Variants in KIAA0319L observed in about 807,000 individuals in gnomAD.
KIAA0319L encodes the protein KIAA0319 like.
In KIAA0319L, 55 loss-of-function variants were observed where a neutral mutation model predicts 120.1. That is an observed-to-expected ratio of 0.46 (90% CI 0.37 to 0.57). KIAA0319L has a LOEUF of 0.57. Among genes scored for constraint, KIAA0319L ranks in the 20% least tolerant of loss-of-function variants. KIAA0319L has a pLI of 0.00. For missense variants in KIAA0319L, 1,049 were observed against 1,255.3 expected (o/e 0.84, Z 2.48); for synonymous variants, 398 against 471.9 (o/e 0.84, Z 2.03).
At chr1:35,495,569 C>G (rs1032530488) in intron 3 of KIAA0319L, among the ~76,000 whole-genome samples, 6 of 151,996 alleles carry the variant, frequency 3.9e-5, no homozygotes, top group Admixed American at 3.9e-4. Flanking sequence ...TTGCAAATCA[C>G]GTATCTGAGA....
rs191318858 is a variant in KIAA0319L, at chr1:35,543,514, G to C, written c.142+10836C>G. ...GCCACCTAAAAAGTCTCCTGAAAAT[G>C]CTTTTCCCCTGAAGATTAAGACCAA... On this transcript the variant is annotated intron_variant, in intron 2 of 20. Transcript: ENST00000325722. 1.1e-4 allele frequency among the ~76,000 whole-genome samples: 17 copies of C among 152,250 alleles called. No individual in the cohort carries two copies. The East Asian group carries it at 3.3e-3, about 29-fold the overall frequency.
intron 2 of KIAA0319L, among the ~76,000 whole-genome samples, chr1:35,524,170 G>A (rs1234619850): frequency 6.6e-6 from 1 of 152,172 alleles, no homozygotes; most frequent in African/African-American, 2.4e-5. Context: ...AATAGTCACA[G>A]GGACTAACAG....
chr1:35,493,331 A>C (rs1336470133), intron 3 of KIAA0319L, among the ~76,000 whole-genome samples: 2 of 152,132 alleles, frequency 1.3e-5, no homozygotes, highest in South Asian at 2.1e-4. Flanking sequence ...TATACCTACT[A>C]TGTACGTACC....
intron 1 of KIAA0319L, among the ~76,000 whole-genome samples, chr1:35,555,403 G>A (rs1023170551): frequency 3.3e-5 from 5 of 152,104 alleles, no homozygotes; most frequent in African/African-American, 1.2e-4. Flanking sequence ...GCATTGCCTG[G>A]GCTGGATACC....
At chr1:35,529,154 T>G (rs1456260933) in intron 2 of KIAA0319L, among the ~76,000 whole-genome samples, 3 of 152,206 alleles carry the variant, frequency 2.0e-5, no homozygotes, top group African/African-American at 7.2e-5. Context: ...CCTTCCCACC[T>G]TGGCCTCCTG....
intron 2 of KIAA0319L, among the ~76,000 whole-genome samples, chr1:35,552,213 G>T (rs949036060): frequency 2.6e-5 from 4 of 152,166 alleles, no homozygotes; most frequent in African/African-American, 9.7e-5. Flanking sequence ...GTGGTGGCAT[G>T]CGCCTGTAGT....
chr1:35,523,539 CT>C (rs1227473510), intron 2 of KIAA0319L, among the ~76,000 whole-genome samples: 7 of 152,118 alleles, frequency 4.6e-5, no homozygotes, highest in African/African-American at 7.2e-5. Context: ...GATGATGGGA[CT>C]TTGAAAGGAG....
At chr1:35,497,383 C>A (rs775779898) in intron 3 of KIAA0319L, among the ~76,000 whole-genome samples, 1 of 151,928 alleles carries the variant, frequency 6.6e-6, no homozygotes, top group Non-Finnish European at 1.5e-5. Context: ...AAAAAGAATA[C>A]GTATGTAATG....
intron 2 of KIAA0319L, among the ~76,000 whole-genome samples, chr1:35,551,022 G>A (rs1218472929): frequency 6.6e-6 from 1 of 152,166 alleles, no homozygotes; most frequent in Non-Finnish European, 1.5e-5. Context: ...AACTATCTAA[G>A]TGTATCCTTC....
In KIAA0319L at chr1:35,453,885, A is replaced by G. The variant is rs1021848593; in HGVS notation, c.1781-196T>C. Among the ~76,000 whole-genome samples the G allele has an allele frequency of 2.0e-5, 3 of 152,220 alleles. No homozygotes were observed. Among genetic ancestry groups the G allele is most frequent in the African/African-American group, 7.2e-5 (3 of 41,458 alleles). On this transcript the variant is annotated intron_variant, in intron 11 of 20. Coordinates refer to ENST00000325722, the MANE Select transcript of KIAA0319L (RefSeq NM_024874.5). The surrounding 1 kb of genome is among the most constrained non-coding windows in gnomAD (Gnocchi z 4.1). ...GGCTGAAACATATCAAGCAATTCTG[A>G]CAGAAACATAGAACATAATGAAGTT...
At chr1:35,450,741 C>G (rs572142529) in intron 13 of KIAA0319L, among the ~76,000 whole-genome samples, 1 of 152,288 alleles carries the variant, frequency 6.6e-6, no homozygotes, top group African/African-American at 2.4e-5. Context: ...ACAGAGGGGA[C>G]GAGTGTGCTT....
At chr1:35,494,490 CAT>C (rs781036779) in intron 3 of KIAA0319L, among the ~76,000 whole-genome samples, 1 of 151,638 alleles carries the variant, frequency 6.6e-6, no homozygotes, top group Non-Finnish European at 1.5e-5. Flanking sequence ...ATAAAATAAA[CAT>C]ATATTACAAA....
At chr1:35,454,671 T>C (rs1357072377) in intron 10 of KIAA0319L, 186 bp from the exon 11 acceptor site, 1 of 1,375,190 alleles carries the variant, frequency 7.3e-7, no homozygotes, top group Admixed American at 3.0e-5. Flanking sequence ...TGCTAAGGGT[T>C]TCCCCCTTCA....
chr1:35,520,224 C>T (rs962115649), intron 2 of KIAA0319L, among the ~76,000 whole-genome samples: 1 of 152,092 alleles, frequency 6.6e-6, no homozygotes, highest in African/African-American at 2.4e-5. Flanking sequence ...CTCAGCCTCC[C>T]AAGTAGCTGG....
chr1:35,515,634 A>C (rs908891939), intron 2 of KIAA0319L, among the ~76,000 whole-genome samples: 4 of 152,206 alleles, frequency 2.6e-5, no homozygotes, highest in African/African-American at 7.2e-5. Flanking sequence ...TAACAACCTA[A>C]CATCACAACT....
At chr1:35,557,630 C>G, upstream of KIAA0319L, 1 of 455,282 alleles carries the variant, frequency 2.2e-6, no homozygotes. Flanking sequence ...CGCTCGAGCC[C>G]CAGCCCCCAG....
In KIAA0319L at chr1:35,466,712, A is replaced by C. The variant is rs756586778; in HGVS notation, c.1114-17T>G. On this transcript the variant is annotated splice_polypyrimidine_tract_variant and intron_variant, in intron 6 of 20. Transcript: ENST00000325722. ...TGGAGTGAGCTGCAGAAGTGAGAGAAGATCTCTTAGACAATCACAAAGAGC... is the reference window on the plus strand; with the variant it reads ...TGGAGTGAGCTGCAGAAGTGAGAGACGATCTCTTAGACAATCACAAAGAGC... The C allele has an allele frequency of 1.3e-6, 2 of 1,511,544 alleles. No individual in the cohort carries two copies. The highest frequency in any genetic ancestry group is 2.2e-5 in the South Asian group (2 of 88,936). 93.6% of individuals were successfully genotyped at this position (1,511,544 alleles called of 1,614,324 possible).
chr1:35,525,511 GTTC>G (rs1646091640), intron 2 of KIAA0319L, among the ~76,000 whole-genome samples: 1 of 152,232 alleles, frequency 6.6e-6, no homozygotes, highest in East Asian at 1.9e-4. Flanking sequence ...GCCAGCATCT[GTTC>G]TTTTTTGCCT....
intron 2 of KIAA0319L, among the ~76,000 whole-genome samples, chr1:35,515,986 C>T (rs987862635): frequency 5.3e-5 from 8 of 152,056 alleles, no homozygotes; most frequent in African/African-American, 1.9e-4. Context: ...ATACACCCTC[C>T]CAAGATTGAA....
Sources: gnomAD v4.1 joint callset for allele counts (sites outside exome capture counted in the v4.1 genomes callset) on GRCh38, gnomAD v4.1.1 for gene constraint, Gnocchi (gnomAD v3.1) non-coding constraint, MANE v1.5 for transcripts, NCBI Gene and HGNC (gene_info 2026-07-23, HGNC 2026-07-21) for gene names.